Variants in TTN observed in about 807,000 individuals in gnomAD.
TTN encodes the protein titin, also known as connectin.
A neutral mutation model predicts 3,223.0 loss-of-function variants in TTN; 1,525 were observed. The observed-to-expected ratio is 0.47, with a 90% CI of 0.45 to 0.49. The LOEUF is 0.49. TTN is among the 20% of genes least tolerant of loss of function. TTN has a pLI of 0.00. For missense variants in TTN, 40,786 were observed against 43,424.0 expected (o/e 0.94, Z 5.40); for synonymous variants, 14,094 against 15,161.0 (o/e 0.93, Z 5.17).
Position 178,560,141 on chromosome 2 carries a change from C to A in TTN, c.85991G>T (p.Gly28664Val), listed in dbSNP as rs370285001. ...CCAGGCAATAGTTATAGTTGTCTTG[C>A]CTGAGTCCACAATTTTGGGTTTGGA... ...PPSKPKIVDS[G>V]KTTITIAWVK... Residue 28664 changes from glycine to valine, a missense_variant, in exon 326 of 363, where the codon GGC (glycine) becomes GTC (valine). Transcript: ENST00000589042. The A allele has an allele frequency of 2.5e-6, 4 of 1,613,592 alleles. No individual in the cohort carries two copies. The highest frequency in any genetic ancestry group is 3.4e-6 in the Non-Finnish European group (4 of 1,179,686).
intron 168 of TTN, 26 bp downstream of exon 168, chr2:178,664,434 C>A (rs1230255368): frequency 4.5e-6 from 7 of 1,566,816 alleles, no homozygotes; most frequent in Non-Finnish European, 6.1e-6. Context: ...CACTATCCCA[C>A]CATAAAAAGA....
rs373627060 is a variant in TTN, at chr2:178,621,639, A to G, written c.45185T>C (p.Ile15062Thr). The change falls in exon 245 of 363, where the codon ATT (isoleucine) becomes ACT (threonine). Residue 15062 changes from isoleucine to threonine, a missense_variant. Transcript: ENST00000589042. ...GATCTCCTCATCCCCTTTATACCAAATCACTTCTGCGCCAGGTTTGGAGAC... is the reference window on the plus strand; with the variant it reads ...GATCTCCTCATCCCCTTTATACCAAGTCACTTCTGCGCCAGGTTTGGAGAC... ...CEVSKPGAEVIWYKGDEEIIE... is the reference protein window; with the variant it reads ...CEVSKPGAEVTWYKGDEEIIE... 2.3e-5 allele frequency: 37 copies of G among 1,612,384 alleles called. No homozygotes were observed. In the South Asian group the frequency reaches 3.4e-4, roughly 15 times the overall value.
chr2:178,586,700 A>G lies in TTN; in HGVS notation c.64201T>C (p.Tyr21401His). 6.2e-7 allele frequency: 1 copy of G among 1,613,176 alleles called. No individual in the cohort carries two copies. Among genetic ancestry groups the G allele is most frequent in the Non-Finnish European group, 8.5e-7 (1 of 1,179,382 alleles). ...TCTTCTTCTCTGTAACTAGTGATGT[A>G]GCCATCGATTTTAGCACCTCCATCA... ...LRDGGAKIDG[Y>H]ITSYREEEQP... Residue 21401 changes from tyrosine (Y) to histidine (H), a missense_variant, in exon 308 of 363, where the codon TAC (tyrosine) becomes CAC (histidine). Physicochemically the swap from Tyr to His is moderately conservative, Grantham distance 83. Coordinates refer to ENST00000589042, the MANE Select transcript of TTN (RefSeq NM_001267550.2).
At chr2:178,597,233 T>G (rs1006587361) in intron 294 of TTN, among the ~76,000 whole-genome samples, 3 of 152,124 alleles carry the variant, frequency 2.0e-5, no homozygotes, top group Non-Finnish European at 2.9e-5. Flanking sequence ...ATTCATGGCC[T>G]TCTAGCAATT....
intron 2 of TTN, among the ~76,000 whole-genome samples, chr2:178,803,788 T>C (rs1393711353): frequency 6.6e-6 from 1 of 152,008 alleles, no homozygotes; most frequent in African/African-American, 2.4e-5. Context: ...TAAAATTATT[T>C]ACAATATAGT....
In TTN at chr2:178,685,249, A is replaced by G. The variant is rs1390842582; in HGVS notation, c.32470+4T>C. 24 of 1,535,008 alleles carry G rather than the reference A, an allele frequency of 1.6e-5. No homozygotes were observed. Among genetic ancestry groups the G allele is most frequent in the Non-Finnish European group, 1.9e-5 (22 of 1,142,376 alleles). On this transcript the variant is annotated splice_donor_region_variant and intron_variant, in intron 129 of 362. Coordinates refer to ENST00000589042, the MANE Select transcript of TTN (RefSeq NM_001267550.2). ...GTGTTGCATTTCTTTGAAAGAAATCATACCTTTAGCCGGTGGAGGCTCCTC... is the reference window on the plus strand; with the variant it reads ...GTGTTGCATTTCTTTGAAAGAAATCGTACCTTTAGCCGGTGGAGGCTCCTC...
chr2:178,715,205 G>A lies in TTN; in HGVS notation c.25981C>T (p.His8661Tyr). The A allele has an allele frequency of 6.2e-7, 1 of 1,613,626 alleles. No homozygotes were observed. Among genetic ancestry groups the A allele is most frequent in the African/African-American group, 1.3e-5 (1 of 74,986 alleles). ...PIETLKGADV[H>Y]LECELQGTPP... ...GTGCCCTGAAGCTCACATTCAAGGTGAACATCAGCTCCTTTCAGTGTCTCT... is the reference window on the plus strand; with the variant it reads ...GTGCCCTGAAGCTCACATTCAAGGTAAACATCAGCTCCTTTCAGTGTCTCT... The change falls in exon 90 of 363, where the codon CAC (histidine) becomes TAC (tyrosine). Residue 8661 changes from histidine to tyrosine, a missense_variant. His to Tyr is a moderately conservative substitution (Grantham distance 83). Coordinates refer to ENST00000589042, the MANE Select transcript of TTN (RefSeq NM_001267550.2).
rs1243357204 is a variant in TTN, at chr2:178,608,780, T to C, written c.52231A>G (p.Lys17411Glu). Reference protein sequence around the residue: ...IINYTLEKKDKTKPDSEWIVV... With the variant: ...IINYTLEKKDETKPDSEWIVV... ...ATCCATTCTGAGTCGGGTTTTGTCTTGTCTTTCTTTTCCAAAGTGTAGTTT... is the reference window on the plus strand; with the variant it reads ...ATCCATTCTGAGTCGGGTTTTGTCTCGTCTTTCTTTTCCAAAGTGTAGTTT... The change falls in exon 274 of 363, where the codon AAG (lysine) becomes GAG (glutamate). Residue 17411 changes from lysine to glutamate, a missense_variant. Physicochemically the swap from Lys to Glu is moderately conservative, Grantham distance 56 (BLOSUM62 1). Coordinates refer to ENST00000589042, the MANE Select transcript of TTN (RefSeq NM_001267550.2). The C allele has an allele frequency of 6.2e-7, 1 of 1,612,674 alleles. No individual in the cohort carries two copies. Among genetic ancestry groups the C allele is most frequent in the East Asian group, 2.2e-5 (1 of 44,614 alleles).
chr2:178,775,291 A>G, intron 28 of TTN, 65 bp downstream of exon 28: 13 of 1,612,278 alleles, frequency 8.1e-6, no homozygotes, highest in Non-Finnish European at 1.0e-5. Flanking sequence ...AAATAAAAGT[A>G]AACACACTCA....
chr2:178,620,329 C>T lies in TTN; in HGVS notation c.46192G>A (p.Glu15398Lys), dbSNP rs1405135300. ...TCGAACTCAGTGACTGTCTGATCTT[C>T]CAAGTGTTCCACAAATTCTGTCGGG... ...EAPTEFVEHL[E>K]DQTVTEFDDA... Residue 15398 changes from glutamate (E) to lysine (K), a missense_variant, in exon 248 of 363, where the codon GAA becomes AAA. Physicochemically the swap from Glu to Lys is moderately conservative, Grantham distance 56. Transcript: ENST00000589042. 1.3e-6 allele frequency: 2 copies of T among 1,595,294 alleles called. No individual in the cohort carries two copies. Among genetic ancestry groups the T allele is most frequent in the African/African-American group, 1.3e-5 (1 of 74,382 alleles).
chr2:178,767,124 C>A (rs12470905), intron 40 of TTN, among the ~76,000 whole-genome samples: 7,871 of 152,222 alleles, frequency 0.052, 391 homozygotes, highest in East Asian at 0.19. Context: ...TCATTATAGT[C>A]CACAGTCTGT....
Position 178,733,838 on chromosome 2 carries a change from G to T in TTN, c.15551C>A (p.Thr5184Asn). ...TCTCACAGCAGCTTGCAGGGTAACG[G>T]TTTGTCCTCCTAGTGCAATCAAATC... ...VDDLIALGGQ[T>N]VTLQAAVRGS... is the part of the protein sequence containing the mutation. The change falls in exon 53 of 363, where the codon ACC (threonine) becomes AAC (asparagine). Residue 5184 changes from threonine to asparagine, a missense_variant. By Grantham distance (65) the Thr-to-Asn change is moderately conservative. Transcript: ENST00000589042. The T allele has an allele frequency of 6.2e-7, 1 of 1,613,414 alleles. No homozygotes were observed. Among genetic ancestry groups the T allele is most frequent in the Non-Finnish European group, 8.5e-7 (1 of 1,179,500 alleles).
At chr2:178,793,321 C>A (rs889298438) in intron 9 of TTN, 83 bp downstream of exon 9, 112 of 1,553,314 alleles carry the variant, frequency 7.2e-5, no homozygotes, top group Non-Finnish European at 9.2e-5. Context: ...GCCCAAGGAA[C>A]AACACTCTTC....
Position 178,591,792 on chromosome 2 carries a change from G to A in TTN, c.60027C>T (p.Ile20009=), listed in dbSNP as rs368279024. Residue 20009 remains isoleucine, a synonymous_variant, in exon 303 of 363, where the codon ATC becomes ATT. Transcript: ENST00000589042. ...CTTGATATTCTACCAAATATCCAGTGATTGGAGAACCACCATCACGATCCG... is the reference window on the plus strand; with the variant it reads ...CTTGATATTCTACCAAATATCCAGTAATTGGAGAACCACCATCACGATCCG... ...NKPDRDGGSP[I]TGYLVEYQEE... 49 of 1,613,162 alleles carry A rather than the reference G, an allele frequency of 3.0e-5. No individual in the cohort carries two copies. The highest frequency in any genetic ancestry group is 3.9e-5 in the Non-Finnish European group (46 of 1,179,588).
intron 306 of TTN, 24 bp downstream of exon 306, chr2:178,587,492 G>A (rs1255873917): frequency 1.2e-6 from 2 of 1,604,016 alleles, no homozygotes; most frequent in South Asian, 2.2e-5. Context: ...TGAAGTGGGA[G>A]GGAGAAGCAT....
In TTN at chr2:178,799,132, G is replaced by A. The variant is rs549512694; in HGVS notation, c.914+355C>T. 37 of 278,464 alleles carry A rather than the reference G, an allele frequency of 1.3e-4. 1 individual carries two copies. The South Asian group carries it at 1.7e-3, about 13-fold the overall frequency. The allele number at this position is 278,464 out of a possible 1,614,324, so 17.2% of individuals were successfully genotyped here. The stretch of plus-strand genomic sequence containing the variant: ...AGGGAAGTGCTGGGAAGAGAAGTGC[G>A]TGGTCCCTAGCGAGGCCTGTGCCCA... On this transcript the variant is annotated intron_variant, in intron 6 of 362. Coordinates refer to ENST00000589042, the MANE Select transcript of TTN (RefSeq NM_001267550.2).
At position 178,759,076 on chromosome 2, in the gene TTN, G is replaced by T; in HGVS notation, c.10211C>A (p.Ala3404Asp). The change falls in exon 44 of 363, where the codon GCC becomes GAC. Residue 3404 changes from alanine (A) to aspartate (D), a missense_variant. Physicochemically the swap from Ala to Asp is moderately radical, Grantham distance 126 (BLOSUM62 -2). Transcript: ENST00000589042. ...QFEDTYQLEI[A>D]EAYPEDEGTY... ...TCCTTCATCTTCTGGATAAGCTTCG[G>T]CAATTTCCAGTTGATAAGTGTCTTC... is the stretch of plus-strand genomic sequence containing the variant. 6.2e-7 allele frequency: 1 copy of T among 1,613,952 alleles called. No homozygotes were observed. The highest frequency in any genetic ancestry group is 8.5e-7 in the Non-Finnish European group (1 of 1,179,910).
Position 178,706,702 on chromosome 2 carries a change from G to A in TTN, c.29172C>T (p.Asp9724=). The change falls in exon 102 of 363, where the codon GAC becomes GAT. Residue 9724 remains aspartate (D), a synonymous_variant. Coordinates refer to ENST00000589042, the MANE Select transcript of TTN (RefSeq NM_001267550.2). ...TATFIAKVGG[D]PIPNVKWTKG... Reference sequence around the variant, plus strand: ...TTGTCCATTTAACATTTGGGATTGGGTCACCTCCAACTTTTGCAATGAAGG... The same window carrying A: ...TTGTCCATTTAACATTTGGGATTGGATCACCTCCAACTTTTGCAATGAAGG... The A allele has an allele frequency of 6.2e-7, 1 of 1,612,378 alleles. No individual in the cohort carries two copies. The highest frequency in any genetic ancestry group is 8.5e-7 in the Non-Finnish European group (1 of 1,178,680).
intron 47 of TTN, chr2:178,749,439 T>A: frequency 6.2e-7 from 1 of 1,613,076 alleles, no homozygotes. Context: ...ACCTGCTCTT[T>A]CTGGTCTATT....
Sources: gnomAD v4.1 joint callset for allele counts (sites outside exome capture counted in the v4.1 genomes callset) on GRCh38, gnomAD v4.1.1 for gene constraint, MANE v1.5 for transcripts, NCBI Gene and HGNC (gene_info 2026-07-23, HGNC 2026-07-21) for gene names.